Variants in AZIN2 observed in about 807,000 individuals in gnomAD.
AZIN2 encodes ODC antizyme inhibitor-2.
A neutral mutation model predicts 47.8 loss-of-function variants in AZIN2; 28 were observed. That is an observed-to-expected ratio of 0.59 (90% CI 0.43 to 0.80). The LOEUF is 0.80. AZIN2 is among the 30% of genes least tolerant of loss of function. The pLI is 0.00. For synonymous variants in AZIN2, 221 were observed against 239.4 expected, an observed-to-expected ratio of 0.92 and a Z score of 0.71; for missense variants, 535 against 582.5, an observed-to-expected ratio of 0.92 and a Z score of 0.84.
chr1:33,099,473 G>T (rs1046064054), intron 10 of AZIN2, among the ~76,000 whole-genome samples: 1 of 152,184 alleles, frequency 6.6e-6, no homozygotes, highest in African/African-American at 2.4e-5. Context: ...ACTGAGAAGG[G>T]ACCAGGCCAG....
intron 5 of AZIN2, among the ~76,000 whole-genome samples, chr1:33,088,291 T>TC (rs1642158570): frequency 6.6e-6 from 1 of 152,092 alleles, no homozygotes. Flanking sequence ...GTGTGGGAGT[T>TC]CCCTCTGACG....
the AZIN2 span, chr1:33,143,128 C>T: frequency 6.6e-6 from 1 of 152,206 alleles, no homozygotes; most frequent in Admixed American, 6.5e-5. Flanking sequence ...TGATATCAGC[C>T]TGACAACCCC....
the AZIN2 span, among the ~76,000 whole-genome samples, chr1:33,134,137 G>A: frequency 5.3e-5 from 8 of 152,288 alleles, no homozygotes; most frequent in South Asian, 8.3e-4. Context: ...AACACTTACC[G>A]TGGGCCAGGC....
chr1:33,152,606 T>C, the AZIN2 span, among the ~76,000 whole-genome samples: 1 of 150,890 alleles, frequency 6.6e-6, no homozygotes, highest in African/African-American at 2.4e-5. Context: ...GGGGACCATC[T>C]GTCGATTCAT....
intron 5 of AZIN2, 30 bp downstream of exon 5, chr1:33,084,157 C>T: frequency 6.2e-7 from 1 of 1,602,178 alleles, no homozygotes; most frequent in Non-Finnish European, 8.5e-7. Context: ...TGCACTGACC[C>T]TCCATGCCCA....
At chr1:33,137,864 C>T in the AZIN2 span, among the ~76,000 whole-genome samples, 3 of 152,210 alleles carry the variant, frequency 2.0e-5, no homozygotes, top group African/African-American at 7.2e-5. Context: ...CAGAGGGCTT[C>T]CCTTGCCTCA....
In AZIN2 at chr1:33,118,337, AC is replaced by A. The variant is rs551908257; in HGVS notation, c.1244+222del. ...CCCTGAGGGAGGCACAGAGAAGCAG[AC>A]AGGCCCTTGTGATAATACTGTGCCT... On this transcript the variant is annotated intron_variant, in intron 11 of 11. Transcript: ENST00000294517. 77 of 478,474 alleles carry A rather than the reference AC, an allele frequency of 1.6e-4. 1 individual carries two copies. In the South Asian group the frequency reaches 3.1e-3, roughly 19 times the overall value. The allele number at this position is 478,474 out of a possible 1,614,324, so 29.6% of individuals were successfully genotyped here.
rs746452878 is a variant in AZIN2, at chr1:33,094,608, C to T, written c.648C>T (p.Ala216=). The part of the protein sequence containing the change: ...PQAYAQSIAD[A]RLVFEMGTEL... ...CCTATGCTCAGTCCATCGCAGACGC[C>T]CGGCTCGTGTTTGAAATGGGCACCG... Residue 216 remains alanine, a synonymous_variant, in exon 8 of 12, where the codon GCC becomes GCT. Transcript: ENST00000294517. 6.2e-7 allele frequency: 1 copy of T among 1,614,146 alleles called. No individual in the cohort carries two copies. The highest frequency in any genetic ancestry group is 1.7e-5 in the Admixed American group (1 of 60,014).
the AZIN2 span, among the ~76,000 whole-genome samples, chr1:33,133,624 C>T: frequency 1.3e-5 from 2 of 152,100 alleles, no homozygotes; most frequent in Non-Finnish European, 2.9e-5. Context: ...AGGGATGGGG[C>T]ATCAGGGCAC....
At chr1:33,089,824 AGACT>A (rs1642332601) in intron 5 of AZIN2, among the ~76,000 whole-genome samples, 1 of 152,264 alleles carries the variant, frequency 6.6e-6, no homozygotes, top group Non-Finnish European at 1.5e-5. Context: ...AATTAAAATT[AGACT>A]CTTATTACAA....
intron 9 of AZIN2, among the ~76,000 whole-genome samples, chr1:33,097,582 G>A (rs575549992): frequency 6.6e-6 from 1 of 152,306 alleles, no homozygotes; most frequent in African/African-American, 2.4e-5. Context: ...CTTTTCCCCA[G>A]AGAGAATTCA....
the AZIN2 span, among the ~76,000 whole-genome samples, chr1:33,148,339 A>T: frequency 6.6e-6 from 1 of 152,024 alleles, no homozygotes; most frequent in Non-Finnish European, 1.5e-5. Context: ...TAAACATGAA[A>T]TTTTTTTTGC....
chr1:33,156,472 G>C, the AZIN2 span, among the ~76,000 whole-genome samples: 1 of 152,228 alleles, frequency 6.6e-6, no homozygotes, highest in African/African-American at 2.4e-5. Context: ...CTCTCTCCTG[G>C]AAATGCTTCC....
the AZIN2 span, among the ~76,000 whole-genome samples, chr1:33,157,909 A>G: frequency 0.13 from 19,753 of 152,074 alleles, 1,569 homozygotes; most frequent in Non-Finnish European, 0.18. Context: ...GGTGCACGCC[A>G]CCATGCCCAG....
the AZIN2 span, among the ~76,000 whole-genome samples, chr1:33,157,472 C>T: frequency 2.6e-5 from 4 of 152,150 alleles, no homozygotes; most frequent in African/African-American, 4.8e-5. Flanking sequence ...CATCCTGTCT[C>T]ACCTTTCCCA....
rs1644401309 is a variant in AZIN2, at chr1:33,113,993, T to C, written c.1030-3909T>C. The stretch of plus-strand genomic sequence containing the variant: ...TTTAGAGATAATATGACTGTGAATT[T>C]GGTTAGCTAAGATTTCATGTCAGGT... On this transcript the variant is annotated intron_variant, in intron 10 of 11. Coordinates refer to ENST00000294517, the MANE Select transcript of AZIN2 (RefSeq NM_052998.4). This position sits in a 1 kb window ranked among gnomAD's most constrained non-coding sequence, Gnocchi z 4.1. Among the ~76,000 whole-genome samples, 1 of 152,240 alleles carries C rather than the reference T, an allele frequency of 6.6e-6. No homozygotes were observed. Among genetic ancestry groups the C allele is most frequent in the South Asian group, 2.1e-4 (1 of 4,832 alleles).
rs1643358318 is a variant in AZIN2 at position 33,098,162 on chromosome 1, AC to A, written c.1017del (p.Ile340SerfsTer39). On this transcript the variant is annotated frameshift_variant, in exon 10 of 12. Coordinates refer to ENST00000294517, the MANE Select transcript of AZIN2 (RefSeq NM_052998.4). LOFTEE classifies it high-confidence loss of function. ...NSVLFDNICP[T>X]PILQKKPSTE... ...AGTCCTGTTTGACAACATCTGCCCT[AC>A]CCCCATCCTGCAGAAGGTGAGCTTA... 1 of 1,610,504 alleles carries A rather than the reference AC, an allele frequency of 6.2e-7. No individual in the cohort carries two copies. The highest frequency in any genetic ancestry group is 1.3e-5 in the African/African-American group (1 of 74,618).
chr1:33,118,036 C>T lies in AZIN2; in HGVS notation c.1164C>T (p.Gly388=), dbSNP rs61737104. The change falls in exon 11 of 12, where the codon GGC becomes GGT. Residue 388 remains glycine (G), a synonymous_variant. Transcript: ENST00000294517. ...VGDWLVFDNM[G]AYTVGMGSPF... ...ACTGGCTGGTCTTTGACAACATGGG[C>T]GCCTACACTGTGGGCATGGGTTCCC... The T allele has an allele frequency of 1.3e-4, 196 of 1,563,130 alleles. No individual in the cohort carries two copies. The highest frequency in any genetic ancestry group is 1.5e-4 in the Non-Finnish European group (177 of 1,156,730).
intron 5 of AZIN2, among the ~76,000 whole-genome samples, chr1:33,090,225 G>A (rs115654580): frequency 2.8e-3 from 424 of 152,268 alleles, no homozygotes; most frequent in Non-Finnish European, 4.7e-3. Context: ...TGTGTGGCTC[G>A]CAAAACCTAA....
Sources: allele counts gnomAD v4.1 joint callset (sites outside exome capture counted in the v4.1 genomes callset), GRCh38; gene constraint gnomAD v4.1.1; non-coding constraint Gnocchi (gnomAD v3.1); transcripts MANE v1.5; gene names NCBI Gene and HGNC (gene_info 2026-07-23, HGNC 2026-07-21).